Variants in NAV3 observed in about 807,000 individuals in gnomAD.
The protein encoded by NAV3 is pore membrane and/or filament interacting like protein 1.
A neutral mutation model predicts 244.7 loss-of-function variants in NAV3; 87 were observed. The observed-to-expected ratio is 0.36, with a 90% CI of 0.30 to 0.42. The LOEUF (loss-of-function observed/expected upper bound fraction) is 0.42, where lower values mean the gene tolerates loss of function less well. Among genes scored for constraint, NAV3 ranks in the 20% least tolerant of loss-of-function variants. The pLI, the probability that NAV3 is intolerant of heterozygous loss-of-function variation, is 1.00. For synonymous variants in NAV3, 1,126 were observed against 1,042.2 expected, an observed-to-expected ratio of 1.08 and a Z score of -1.55; for missense variants, 2,663 against 2,893.3, an observed-to-expected ratio of 0.92 and a Z score of 1.83.
At chr12:78,051,525 C>T (rs1369414744) in intron 11 of NAV3, among the ~76,000 whole-genome samples, 2 of 151,950 alleles carry the variant, frequency 1.3e-5, no homozygotes, top group Non-Finnish European at 2.9e-5. Context: ...TAGAAGCTGC[C>T]TGTAACTGCT....
chr12:77,761,015 T>G (rs1315836566), intron 2 of NAV3, among the ~76,000 whole-genome samples: 1 of 152,200 alleles, frequency 6.6e-6, no homozygotes, highest in African/African-American at 2.4e-5. Context: ...AGGAGAGATT[T>G]AAGGCCATTC....
At chr12:78,060,358 A>C (rs1358222601) in intron 12 of NAV3, among the ~76,000 whole-genome samples, 1 of 152,090 alleles carries the variant, frequency 6.6e-6, no homozygotes, top group Non-Finnish European at 1.5e-5. Flanking sequence ...CTCCTTACCC[A>C]CAGGCTGTTG....
At chr12:77,814,588 TCC>T (rs1251445736) in intron 2 of NAV3, among the ~76,000 whole-genome samples, 2 of 151,948 alleles carry the variant, frequency 1.3e-5, no homozygotes, top group Non-Finnish European at 2.9e-5. Flanking sequence ...ACAATAAACA[TCC>T]CTTGGGAGGG....
intron 3 of NAV3, among the ~76,000 whole-genome samples, chr12:77,944,092 C>T (rs1022691051): frequency 3.3e-5 from 5 of 152,012 alleles, no homozygotes; most frequent in South Asian, 2.1e-4. Context: ...GTTACATAGG[C>T]GAGAACAAAA....
intron 2 of NAV3, among the ~76,000 whole-genome samples, chr12:77,745,486 A>G (rs1160353454): frequency 6.6e-6 from 1 of 152,110 alleles, no homozygotes; most frequent in African/African-American, 2.4e-5. Context: ...ATGTAAGGAC[A>G]CATGGATATG....
At chr12:78,176,120 A>C (rs965681208) in intron 25 of NAV3, among the ~76,000 whole-genome samples, 1 of 151,990 alleles carries the variant, frequency 6.6e-6, no homozygotes, top group Non-Finnish European at 1.5e-5. Context: ...CTGTACCTTA[A>C]GTTTGCTAGT....
intron 12 of NAV3, among the ~76,000 whole-genome samples, chr12:78,063,594 A>G (rs300411): frequency 2.3e-3 from 346 of 152,304 alleles, no homozygotes; most frequent in Middle Eastern, 6.8e-3. Context: ...TAATGGTAAG[A>G]GAGAGTAATG....
intron 1 of NAV3, among the ~76,000 whole-genome samples, chr12:77,895,751 T>C (rs1565898463): frequency 6.6e-6 from 1 of 150,980 alleles, no homozygotes; most frequent in African/African-American, 2.4e-5. Flanking sequence ...TTTTTTTTTT[T>C]TTTAATCCTG....
At chr12:78,112,933 G>C (rs1478982737) in intron 12 of NAV3, among the ~76,000 whole-genome samples, 1 of 152,158 alleles carries the variant, frequency 6.6e-6, no homozygotes, top group Non-Finnish European at 1.5e-5. Flanking sequence ...AGATACAATA[G>C]GGTCACAGTC....
intron 2 of NAV3, among the ~76,000 whole-genome samples, chr12:77,711,775 G>A (rs564080137): frequency 7.2e-5 from 11 of 152,160 alleles, no homozygotes; most frequent in Non-Finnish European, 1.3e-4. Context: ...CATTAAGTCT[G>A]CTTTTAGGAA....
At chr12:77,833,921 C>T (rs1874157480) in intron 1 of NAV3, among the ~76,000 whole-genome samples, 1 of 152,128 alleles carries the variant, frequency 6.6e-6, no homozygotes, top group Non-Finnish European at 1.5e-5. Flanking sequence ...CTGCCGGTGT[C>T]TGCAGGTGCC....
intron 2 of NAV3, among the ~76,000 whole-genome samples, chr12:77,737,807 C>A (rs1877398237): frequency 6.6e-6 from 1 of 152,198 alleles, no homozygotes; most frequent in Non-Finnish European, 1.5e-5. Context: ...TTGTTCTAGA[C>A]ATATGTGTGT....
At chr12:77,717,173 A>G (rs1007519720) in intron 2 of NAV3, among the ~76,000 whole-genome samples, 3 of 152,076 alleles carry the variant, frequency 2.0e-5, no homozygotes, top group Non-Finnish European at 4.4e-5. Flanking sequence ...GTTTAACTGT[A>G]TGATGCAGTA....
intron 1 of NAV3, among the ~76,000 whole-genome samples, chr12:77,855,129 A>G (rs2136283066): frequency 6.6e-6 from 1 of 152,260 alleles, no homozygotes; most frequent in African/African-American, 2.4e-5. Flanking sequence ...TCCATCTCCA[A>G]AAATAAAAAT....
chr12:77,984,206 C>T (rs1354211103), intron 5 of NAV3, among the ~76,000 whole-genome samples: 1 of 152,076 alleles, frequency 6.6e-6, no homozygotes, highest in African/African-American at 2.4e-5. Context: ...GAGAATAAGA[C>T]CTAATTGTAT....
chr12:77,636,751 C>G (rs1872174456), intron 2 of NAV3, among the ~76,000 whole-genome samples: 1 of 152,066 alleles, frequency 6.6e-6, no homozygotes, highest in Admixed American at 6.5e-5. Flanking sequence ...CCCAAATGTC[C>G]ATTAATGATA....
At chr12:77,977,706 A>ACGCGCG (rs1431125477) in intron 5 of NAV3, among the ~76,000 whole-genome samples, 14 of 90,620 alleles carry the variant, frequency 1.5e-4, no homozygotes, top group Non-Finnish European at 3.5e-4. Context: ...ACACACACAC[A>ACGCGCG]CACGCGCACA....
At chr12:77,984,719 G>T (rs1000266832) in intron 5 of NAV3, among the ~76,000 whole-genome samples, 1 of 152,198 alleles carries the variant, frequency 6.6e-6, no homozygotes, top group Non-Finnish European at 1.5e-5. Context: ...ATTCACAGAA[G>T]ATAAATAATG....
chr12:77,906,644 C>G (rs1886009524), intron 1 of NAV3, among the ~76,000 whole-genome samples: 1 of 151,970 alleles, frequency 6.6e-6, no homozygotes, highest in African/African-American at 2.4e-5. Flanking sequence ...CTCAGTGGCA[C>G]CAGACACTAG....
Sources: gnomAD v4.1 joint callset for allele counts (sites outside exome capture counted in the v4.1 genomes callset) on GRCh38, gnomAD v4.1.1 for gene constraint, MANE v1.5 for transcripts, NCBI Gene and HGNC (gene_info 2026-07-23, HGNC 2026-07-21) for gene names.